The following SNAP91 variants were observed in gnomAD, a reference collection of about 807,000 sequenced individuals.
SNAP91 encodes the protein clathrin coat assembly protein AP180.
In SNAP91, 27 loss-of-function variants were observed where a neutral mutation model predicts 100.3. The ratio of observed to expected loss-of-function variants is 0.27; its 90% CI spans 0.20 to 0.37. The LOEUF is 0.37. Ranked by LOEUF, SNAP91 falls within the 10% of genes least tolerant of loss-of-function variation. SNAP91 has a pLI of 1.00. For missense variants in SNAP91, 986 were observed against 1,123.7 expected (o/e 0.88, Z 1.75); for synonymous variants, 404 against 398.6 (o/e 1.01, Z -0.16).
intron 8 of SNAP91, among the ~76,000 whole-genome samples, chr6:83,634,802 A>G (rs1457229751): frequency 1.3e-5 from 2 of 152,024 alleles, no homozygotes; most frequent in African/African-American, 4.8e-5. Context: ...TCCTCTTAAA[A>G]CTGCCTTTGC....
At chr6:83,605,363 T>C (rs1326284463) in intron 14 of SNAP91, among the ~76,000 whole-genome samples, 1 of 152,078 alleles carries the variant, frequency 6.6e-6, no homozygotes, top group African/African-American at 2.4e-5. Flanking sequence ...CCTGAGTCTC[T>C]AGAGAACAAT....
At chr6:83,630,279 T>C (rs565780870) in intron 8 of SNAP91, among the ~76,000 whole-genome samples, 15 of 152,272 alleles carry the variant, frequency 9.9e-5, no homozygotes, top group Non-Finnish European at 1.5e-4. Context: ...TTAGCATCTA[T>C]GTTAATCAGA....
chr6:83,634,622 C>T (rs988102385), intron 8 of SNAP91, among the ~76,000 whole-genome samples: 2 of 152,110 alleles, frequency 1.3e-5, no homozygotes, highest in Non-Finnish European at 2.9e-5. Context: ...CCACGATCCC[C>T]ACTTCTCGTT....
At chr6:83,619,499 A>G (rs1158898789) in intron 9 of SNAP91, among the ~76,000 whole-genome samples, 1 of 152,210 alleles carries the variant, frequency 6.6e-6, no homozygotes, top group Non-Finnish European at 1.5e-5. Flanking sequence ...AAATATAATG[A>G]GCAGGCTCTT....
At chr6:83,662,518 A>C in intron 3 of SNAP91, 96 bp from the exon 4 acceptor site, 1 of 439,822 alleles carries the variant, frequency 2.3e-6, no homozygotes, top group Non-Finnish European at 4.0e-6. Flanking sequence ...ACAAATTCTC[A>C]TTGGGATCTC....
chr6:83,670,252 T>C (rs1459486558), intron 2 of SNAP91, among the ~76,000 whole-genome samples: 2 of 151,638 alleles, frequency 1.3e-5, no homozygotes, highest in African/African-American at 2.4e-5. Context: ...TCCTTTTTTT[T>C]TTTTTTCTAT....
intron 3 of SNAP91, among the ~76,000 whole-genome samples, chr6:83,665,026 TAA>T (rs1275251588): frequency 6.6e-6 from 1 of 152,124 alleles, no homozygotes; most frequent in Non-Finnish European, 1.5e-5. Context: ...TTTTTAGCAA[TAA>T]AGGATTTTTA....
chr6:83,606,018 C>T (rs1371940065), intron 13 of SNAP91, among the ~76,000 whole-genome samples: 1 of 152,098 alleles, frequency 6.6e-6, no homozygotes, highest in Non-Finnish European at 1.5e-5. Flanking sequence ...ACTTTGAGGG[C>T]CAGTTGGTCT....
chr6:83,669,144 C>T (rs765776674), intron 2 of SNAP91, among the ~76,000 whole-genome samples: 4 of 151,886 alleles, frequency 2.6e-5, no homozygotes, highest in East Asian at 1.9e-4. Flanking sequence ...ACTCAGAGGT[C>T]GAACCATCAT....
chr6:83,572,122 G>A (rs1808996404), intron 26 of SNAP91, among the ~76,000 whole-genome samples: 1 of 152,088 alleles, frequency 6.6e-6, no homozygotes, highest in Non-Finnish European at 1.5e-5. Context: ...GTGTGAAAAC[G>A]GAATAATACA....
intron 8 of SNAP91, among the ~76,000 whole-genome samples, chr6:83,639,523 TA>T (rs1208841094): frequency 6.6e-6 from 1 of 152,222 alleles, no homozygotes; most frequent in Non-Finnish European, 1.5e-5. Flanking sequence ...TCCAGTTATT[TA>T]AAGACAGACT....
chr6:83,674,852 G>C (rs1326550301), intron 2 of SNAP91, among the ~76,000 whole-genome samples: 2 of 152,142 alleles, frequency 1.3e-5, no homozygotes, highest in Non-Finnish European at 2.9e-5. Context: ...GAGGTAACAT[G>C]GGAAAGACAG....
At chr6:83,631,030 T>C (rs139863177) in intron 8 of SNAP91, among the ~76,000 whole-genome samples, 70 of 152,278 alleles carry the variant, frequency 4.6e-4, no homozygotes, top group African/African-American at 1.5e-3. Context: ...GAGGTTTTGA[T>C]AGGTTGTGTC....
rs1420180032 is a variant in SNAP91 at position 83,707,811 on chromosome 6, T to C, written c.117A>G (p.Lys39=). The C allele has an allele frequency of 1.2e-6, 2 of 1,613,136 alleles. No individual in the cohort carries two copies. Among genetic ancestry groups the C allele is most frequent in the African/African-American group, 1.3e-5 (1 of 74,868 alleles). Residue 39 remains lysine (K), a synonymous_variant, in exon 2 of 30, where the codon AAA becomes AAG. Transcript: ENST00000369694. ...AGAGATGCTTACAGTCCAGGTGCTT[T>C]TTCTTGGGGCCCATTACTTCATGAG... ...ATTHEVMGPK[K]KHLDYLIQAT... is the part of the protein sequence containing the mutation.
In SNAP91 at chr6:83,591,274, A is replaced by G. The variant is rs2093706272; in HGVS notation, c.1951T>C (p.Ser651Pro). 1 of 1,612,620 alleles carries G rather than the reference A, an allele frequency of 6.2e-7. No individual in the cohort carries two copies. Among genetic ancestry groups the G allele is most frequent in the Non-Finnish European group, 8.5e-7 (1 of 1,178,842 alleles). The change falls in exon 22 of 30, where the codon TCT (serine) becomes CCT (proline). Residue 651 changes from serine (S) to proline (P), a missense_variant. By Grantham distance (74) the Ser-to-Pro change is moderately conservative. This residue lies in a region of SNAP91 where 575 missense variants were observed against 579.9 expected (regional missense o/e 0.99). Coordinates refer to ENST00000369694, the MANE Select transcript of SNAP91 (RefSeq NM_001242792.2). ...GCCTGAGATGCAGGTTGGGGTTCAG[A>G]AGCACTACTTCCAAATGCATCTATC... ...LFGDAFGSSASEPQPASQAAS... is the reference protein window; with the variant it reads ...LFGDAFGSSAPEPQPASQAAS...
chr6:83,596,716 T>C lies in SNAP91; in HGVS notation c.1325-2235A>G, dbSNP rs75253399. ...CACAATGTATACACACTTCAAAACA[T>C]CATGTTGTACATTATATATATATGT... On this transcript the variant is annotated intron_variant, in intron 16 of 29. Coordinates refer to ENST00000369694, the MANE Select transcript of SNAP91 (RefSeq NM_001242792.2). Among the ~76,000 whole-genome samples the C allele has an allele frequency of 2.4e-4, 37 of 152,090 alleles. No individual in the cohort carries two copies. In the East Asian group the frequency reaches 7.2e-3, roughly 29 times the overall value.
rs557358420 is a variant in SNAP91 at position 83,552,950 on chromosome 6, C to G, written c.*1346G>C. ...GGCGTACATGCACTGGGTTTTTAAA[C>G]TGAAATACAAAGAAAGCCATTTTGA... On this transcript the variant is annotated 3_prime_UTR_variant, in exon 30 of 30. Transcript: ENST00000369694. The G allele has an allele frequency of 2.0e-4, 31 of 152,646 alleles. No individual in the cohort carries two copies. Among genetic ancestry groups the G allele is most frequent in the Non-Finnish European group, 3.8e-4 (26 of 67,998 alleles). The allele number at this position is 152,646 out of a possible 1,614,324, so 9.5% of individuals were successfully genotyped here. A position where few individuals can be genotyped will look rare whatever the true frequency, so the allele number is the denominator to read the frequency against.
intron 2 of SNAP91, among the ~76,000 whole-genome samples, chr6:83,683,192 T>C (rs1446259400): frequency 6.6e-6 from 1 of 152,150 alleles, no homozygotes; most frequent in Non-Finnish European, 1.5e-5. Context: ...TTACTGGCCC[T>C]TCCTTCTTCC....
At chr6:83,610,345 A>G (rs1583586662) in intron 12 of SNAP91, among the ~76,000 whole-genome samples, 1 of 151,900 alleles carries the variant, frequency 6.6e-6, no homozygotes, top group Admixed American at 6.6e-5. Context: ...AGTGAAATAA[A>G]CCAGTCACTA....
Sources: gnomAD v4.1 joint callset for allele counts (sites outside exome capture counted in the v4.1 genomes callset) on GRCh38, gnomAD v4.1.1 for gene constraint, gnomAD v4.1.1 regional missense constraint, MANE v1.5 for transcripts, NCBI Gene and HGNC (gene_info 2026-07-23, HGNC 2026-07-21) for gene names.